TNFRSF11B: variants seen among roughly 807,000 people sequenced by gnomAD.
TNFRSF11B encodes the protein tumor necrosis factor receptor superfamily member 11B.
A neutral mutation model predicts 43.4 loss-of-function variants in TNFRSF11B; 16 were observed. The observed-to-expected ratio is 0.37, with a 90% CI of 0.25 to 0.56. The LOEUF (loss-of-function observed/expected upper bound fraction) is 0.56. Ranked by LOEUF, TNFRSF11B falls within the 20% of genes least tolerant of loss-of-function variation. The pLI is 0.80. For missense variants in TNFRSF11B, 444 were observed against 490.1 expected (o/e 0.91, Z 0.89); for synonymous variants, 185 against 181.8 (o/e 1.02, Z -0.14).
chr8:118,946,769 T>A (rs1812567296), intron 1 of TNFRSF11B, among the ~76,000 whole-genome samples: 1 of 152,152 alleles, frequency 6.6e-6, no homozygotes, highest in Non-Finnish European at 1.5e-5. Context: ...TGAGACACAT[T>A]TTTTAAAAAA....
chr8:118,935,701 TG>T (rs1812396849), intron 1 of TNFRSF11B, among the ~76,000 whole-genome samples: 1 of 152,182 alleles, frequency 6.6e-6, no homozygotes, highest in South Asian at 2.1e-4. Flanking sequence ...CAAAAACATG[TG>T]AAAGTAATGA....
chr8:118,926,843 C>A, intron 3 of TNFRSF11B, 125 bp from the exon 4 acceptor site: 3 of 986,272 alleles, frequency 3.0e-6, no homozygotes, highest in Non-Finnish European at 4.6e-6. Context: ...TGCTAAAATG[C>A]AAAGTTTGAA....
rs982146576 is a variant in TNFRSF11B at position 118,923,609 on chromosome 8, T to C, written c.*765A>G. On this transcript the variant is annotated 3_prime_UTR_variant, in exon 5 of 5. Transcript: ENST00000297350. ...TGTCATTTATATAGTTATAAAACCA[T>C]AAAATCTTTTAAATAAGGTACATTC... The C allele has an allele frequency of 6.6e-6, 1 of 152,592 alleles. No individual in the cohort carries two copies. Among genetic ancestry groups the C allele is most frequent in the Non-Finnish European group, 1.5e-5 (1 of 68,016 alleles). The allele number at this position is 152,592 out of a possible 1,614,324, so 9.5% of individuals were successfully genotyped here.
intron 1 of TNFRSF11B, among the ~76,000 whole-genome samples, chr8:118,940,736 A>G (rs1428491907): frequency 6.6e-6 from 1 of 152,148 alleles, no homozygotes; most frequent in Non-Finnish European, 1.5e-5. Context: ...TAAGTTCATT[A>G]TCTACTCTGT....
Position 118,924,086 on chromosome 8 carries a change from G to A in TNFRSF11B, c.*288C>T. 1 of 317,868 alleles carries A rather than the reference G, an allele frequency of 3.1e-6. No homozygotes were observed. Among genetic ancestry groups the A allele is most frequent in the African/African-American group, 2.2e-5 (1 of 46,494 alleles). The allele number at this position is 317,868 out of a possible 1,614,324, so 19.7% of individuals were successfully genotyped here. A position where few individuals can be genotyped will look rare whatever the true frequency, so the allele number is the denominator to read the frequency against. ...CCCATATTTAGTAAGGCACAATGGA[G>A]TCTAGTTTTTTTTTTTTAATTTCCA... is the stretch of plus-strand genomic sequence containing the variant. On this transcript the variant is annotated 3_prime_UTR_variant, in exon 5 of 5. Coordinates refer to ENST00000297350, the MANE Select transcript of TNFRSF11B (RefSeq NM_002546.4).
intron 1 of TNFRSF11B, among the ~76,000 whole-genome samples, chr8:118,940,818 A>G (rs2129912141): frequency 6.6e-6 from 1 of 152,106 alleles, no homozygotes; most frequent in Non-Finnish European, 1.5e-5. Context: ...AATTGGCATC[A>G]TTTTCTTGGT....
At chr8:118,937,309 A>G (rs1812418873) in intron 1 of TNFRSF11B, among the ~76,000 whole-genome samples, 1 of 152,132 alleles carries the variant, frequency 6.6e-6, no homozygotes, top group Non-Finnish European at 1.5e-5. Context: ...TCTTGCTCTA[A>G]TCCCCTTCAT....
chr8:118,924,232 T>C lies in TNFRSF11B; in HGVS notation c.*142A>G. The C allele has an allele frequency of 1.2e-6, 1 of 854,174 alleles. No homozygotes were observed. The highest frequency in any genetic ancestry group is 1.9e-6 in the Non-Finnish European group (1 of 519,942). The allele number at this position is 854,174 out of a possible 1,614,324, so 52.9% of individuals were successfully genotyped here. A position where few individuals can be genotyped will look rare whatever the true frequency, so the allele number is the denominator to read the frequency against. On this transcript the variant is annotated 3_prime_UTR_variant, in exon 5 of 5. Transcript: ENST00000297350. ...AGATGTTAGTCCTTTCTCCACATCA[T>C]AGTTTCTTTTAGTACCCTGTGGCAA...
Position 118,928,758 on chromosome 8 carries a change from G to A in TNFRSF11B, c.572C>T (p.Ser191Leu). The A allele has an allele frequency of 6.2e-7, 1 of 1,614,158 alleles. No homozygotes were observed. Among genetic ancestry groups the A allele is most frequent in the Non-Finnish European group, 8.5e-7 (1 of 1,180,016 alleles). The part of the protein sequence containing the change: ...HDNICSGNSE[S>L]TQKCGIDVTL... ...ATTACCTATTCCACATTTTTGAGTT[G>A]ATTCACTGTTTCCGGAACATATGTT... Residue 191 changes from serine (S) to leucine (L), a missense_variant, in exon 3 of 5, where the codon TCA becomes TTA. Ser to Leu is a moderately radical substitution (Grantham distance 145). Transcript: ENST00000297350.
At position 118,944,694 on chromosome 8, in the gene TNFRSF11B, C is replaced by T. The variant is rs11573845; in HGVS notation, c.30+7098G>A. ...GGTGCAGAGGTCTCTGTCTATCAGC[C>T]TGGTGTATTATTCAAGTGTAGTTGT... is the stretch of plus-strand genomic sequence containing the variant. On this transcript the variant is annotated intron_variant, in intron 1 of 4. Coordinates refer to ENST00000297350, the MANE Select transcript of TNFRSF11B (RefSeq NM_002546.4). Among the ~76,000 whole-genome samples, 62 of 152,134 alleles carry T rather than the reference C, an allele frequency of 4.1e-4. No homozygotes were observed. In the East Asian group the frequency reaches 9.7e-3, roughly 24 times the overall value.
intron 1 of TNFRSF11B, 85 bp from the exon 2 acceptor site, chr8:118,933,385 G>C: frequency 6.3e-7 from 1 of 1,580,382 alleles, no homozygotes; most frequent in East Asian, 2.2e-5. Context: ...TTGACTCAAA[G>C]TCCTGTATTA....
At chr8:118,940,018 A>T (rs563344759) in intron 1 of TNFRSF11B, among the ~76,000 whole-genome samples, 23 of 152,338 alleles carry the variant, frequency 1.5e-4, no homozygotes, top group African/African-American at 5.3e-4. Flanking sequence ...GGATAAGCTC[A>T]TGTCCTTTGC....
intron 1 of TNFRSF11B, among the ~76,000 whole-genome samples, chr8:118,943,503 G>A (rs1812516784): frequency 6.6e-6 from 1 of 151,954 alleles, no homozygotes; most frequent in South Asian, 2.1e-4. Flanking sequence ...ATTTTTTACT[G>A]GACTCAGCTA....
chr8:118,934,103 C>T (rs1450236138), intron 1 of TNFRSF11B, among the ~76,000 whole-genome samples: 1 of 152,128 alleles, frequency 6.6e-6, no homozygotes, highest in East Asian at 1.9e-4. Flanking sequence ...TAAAGGATAC[C>T]TCTTTCAGTT....
Position 118,928,772 on chromosome 8 carries a change from G to A in TNFRSF11B, c.558C>T (p.Ser186=), listed in dbSNP as rs11573923. The A allele has an allele frequency of 8.2e-4, 1,329 of 1,614,110 alleles. 12 individuals are homozygous for A. The African/African-American group carries it at 0.015, about 19-fold the overall frequency. ...ATTTTTGAGTTGATTCACTGTTTCC[G>A]GAACATATGTTGTCGTGTGTTGCAT... ...KGNATHDNIC[S]GNSESTQKCG... Residue 186 remains serine (S), a synonymous_variant, in exon 3 of 5, where the codon TCC becomes TCT. Coordinates refer to ENST00000297350, the MANE Select transcript of TNFRSF11B (RefSeq NM_002546.4).
chr8:118,938,580 C>A (rs1005321765), intron 1 of TNFRSF11B, among the ~76,000 whole-genome samples: 3 of 152,124 alleles, frequency 2.0e-5, no homozygotes, highest in Non-Finnish European at 4.4e-5. Flanking sequence ...CACGCATTGT[C>A]CAAAAGTAAG....
intron 1 of TNFRSF11B, among the ~76,000 whole-genome samples, chr8:118,938,105 GA>G (rs1416224900): frequency 5.9e-5 from 9 of 151,770 alleles, no homozygotes; most frequent in Admixed American, 2.6e-4. Flanking sequence ...TATGCAAGAA[GA>G]AAAAAAGGAG....
At chr8:118,930,227 C>T (rs1812306538) in intron 2 of TNFRSF11B, among the ~76,000 whole-genome samples, 1 of 152,208 alleles carries the variant, frequency 6.6e-6, no homozygotes, top group South Asian at 2.1e-4. Context: ...ACATCCTACT[C>T]CTTAAATGGG....
intron 1 of TNFRSF11B, among the ~76,000 whole-genome samples, chr8:118,943,700 A>T (rs746125773): frequency 6.6e-6 from 1 of 152,152 alleles, no homozygotes; most frequent in Non-Finnish European, 1.5e-5. Context: ...CCTATTCTAA[A>T]AATGATTAGC....
Sources: allele counts gnomAD v4.1 joint callset (sites outside exome capture counted in the v4.1 genomes callset), GRCh38; gene constraint gnomAD v4.1.1; transcripts MANE v1.5; gene names NCBI Gene and HGNC (gene_info 2026-07-23, HGNC 2026-07-21).